The following DYNC2H1 variants were observed in gnomAD, a reference collection of about 807,000 sequenced individuals.
DYNC2H1 encodes the protein dynein cytoplasmic 2 heavy chain 1, also known as cytoplasmic dynein 2 heavy chain 1.
A neutral mutation model predicts 570.0 loss-of-function variants in DYNC2H1; 410 were observed. The ratio of observed to expected loss-of-function variants is 0.72; its 90% CI spans 0.66 to 0.78. The LOEUF (loss-of-function observed/expected upper bound fraction) is 0.78, where lower values mean the gene tolerates loss of function less well. Ranked by LOEUF, DYNC2H1 falls within the 30% of genes least tolerant of loss-of-function variation. The pLI, the probability that DYNC2H1 is intolerant of heterozygous loss-of-function variation, is 0.00. For synonymous variants in DYNC2H1, 1,688 were observed against 1,677.6 expected, an observed-to-expected ratio of 1.01 and a Z score of -0.15; for missense variants, 4,865 against 5,046.4, an observed-to-expected ratio of 0.96 and a Z score of 1.09.
At chr11:103,437,459 A>G (rs1033153769) in intron 85 of DYNC2H1, among the ~76,000 whole-genome samples, 7 of 151,966 alleles carry the variant, frequency 4.6e-5, no homozygotes, top group Non-Finnish European at 7.4e-5. Flanking sequence ...GATCTGAGCA[A>G]TTGTTTGGCT....
intron 21 of DYNC2H1, 130 bp downstream of exon 21, chr11:103,152,415 C>CT: frequency 1.3e-6 from 1 of 792,566 alleles, no homozygotes; most frequent in Non-Finnish European, 1.9e-6. Flanking sequence ...ACCTCCCTGA[C>CT]TACTTTTATA....
chr11:103,283,074 G>A lies in DYNC2H1; in HGVS notation c.10879G>A (p.Ala3627Thr), dbSNP rs777062288. The change falls in exon 73 of 89, where the codon GCA becomes ACA. Residue 3627 changes from alanine to threonine, a missense_variant. Coordinates refer to ENST00000375735, the MANE Select transcript of DYNC2H1 (RefSeq NM_001377.3). ...WIDQERSWAVATLKIALPSLY... is the reference protein window; with the variant it reads ...WIDQERSWAVTTLKIALPSLY... ...AGATCAGGAACGAAGCTGGGCCGTG[G>A]CAACATTAAAGGTATTCCTTTTCTA... 1 of 1,606,306 alleles carries A rather than the reference G, an allele frequency of 6.2e-7. No individual in the cohort carries two copies.
chr11:103,411,216 G>C (rs961274311), intron 84 of DYNC2H1, among the ~76,000 whole-genome samples: 5 of 152,116 alleles, frequency 3.3e-5, no homozygotes, highest in African/African-American at 1.2e-4. Context: ...AAATCCAGTG[G>C]TTTAAAGTTG....
intron 87 of DYNC2H1, among the ~76,000 whole-genome samples, chr11:103,462,045 C>T (rs1353511661): frequency 3.9e-5 from 6 of 152,002 alleles, no homozygotes; most frequent in Admixed American, 3.9e-4. Flanking sequence ...GAACTCTTTC[C>T]AGTGGTTTGT....
At chr11:103,444,723 AAAGT>A (rs1336085696) in intron 85 of DYNC2H1, among the ~76,000 whole-genome samples, 1 of 152,218 alleles carries the variant, frequency 6.6e-6, no homozygotes, top group Non-Finnish European at 1.5e-5. Context: ...AGACTTGAAT[AAAGT>A]AAGAGAGCAA....
chr11:103,392,338 A>T (rs1942192857), intron 83 of DYNC2H1, among the ~76,000 whole-genome samples: 1 of 152,060 alleles, frequency 6.6e-6, no homozygotes. Flanking sequence ...GTTTGCTAAG[A>T]CCGTTGGAAA....
At chr11:103,296,181 A>AT (rs1039816903) in intron 75 of DYNC2H1, among the ~76,000 whole-genome samples, 23 of 152,112 alleles carry the variant, frequency 1.5e-4, no homozygotes, top group Middle Eastern at 3.4e-3. Flanking sequence ...CACTCACTAG[A>AT]TTTTTTGGTT....
chr11:103,306,667 T>C (rs920180292), intron 77 of DYNC2H1, among the ~76,000 whole-genome samples: 4 of 152,184 alleles, frequency 2.6e-5, no homozygotes, highest in African/African-American at 4.8e-5. Flanking sequence ...TGTCATTTTT[T>C]TGTCATCTTA....
chr11:103,399,335 T>G (rs1304921789), intron 83 of DYNC2H1, among the ~76,000 whole-genome samples: 1 of 150,572 alleles, frequency 6.6e-6, no homozygotes, highest in Non-Finnish European at 1.5e-5. Flanking sequence ...TTTGTATTTT[T>G]AGTAGAGGCG....
chr11:103,404,043 A>T (rs544038344), intron 84 of DYNC2H1: 1 of 152,106 alleles, frequency 6.6e-6, no homozygotes, highest in South Asian at 2.1e-4. Context: ...TATTAGGGAA[A>T]TAATATATAG....
At chr11:103,117,580 C>T (rs1408857217) in intron 5 of DYNC2H1, 51 bp from the exon 6 acceptor site, 2 of 1,338,936 alleles carry the variant, frequency 1.5e-6, no homozygotes, top group East Asian at 5.1e-5. Flanking sequence ...TATAATTTTT[C>T]TATAAAAATA....
chr11:103,343,424 A>T (rs765259737), intron 82 of DYNC2H1, among the ~76,000 whole-genome samples: 33 of 149,476 alleles, frequency 2.2e-4, no homozygotes, highest in Non-Finnish European at 3.3e-4. Context: ...TTTCTAGTAT[A>T]AATTTCAGGA....
intron 84 of DYNC2H1, among the ~76,000 whole-genome samples, chr11:103,433,657 A>G (rs1236381909): frequency 1.3e-5 from 2 of 152,160 alleles, no homozygotes; most frequent in Admixed American, 1.3e-4. Flanking sequence ...ATTTCCTCAC[A>G]TGCAAAATAC....
chr11:103,230,909 A>G (rs910985680), intron 59 of DYNC2H1, among the ~76,000 whole-genome samples: 15 of 152,080 alleles, frequency 9.9e-5, no homozygotes, highest in Non-Finnish European at 1.9e-4. Flanking sequence ...CTCCTATTTC[A>G]TACTTTCCTC....
chr11:103,443,020 C>T (rs761478185), intron 85 of DYNC2H1, among the ~76,000 whole-genome samples: 7 of 150,576 alleles, frequency 4.6e-5, no homozygotes, highest in African/African-American at 9.8e-5. Context: ...TTTGAACATA[C>T]GTTATTAATA....
chr11:103,235,485 A>T (rs887511123), intron 61 of DYNC2H1, among the ~76,000 whole-genome samples, 187 bp from the exon 62 acceptor site: 1 of 151,962 alleles, frequency 6.6e-6, no homozygotes, highest in Non-Finnish European at 1.5e-5. Flanking sequence ...TTAGGATTTT[A>T]TACTTTTAAA....
chr11:103,314,738 A>G lies in DYNC2H1; in HGVS notation c.11650-1807A>G, dbSNP rs1457830007. Among the ~76,000 whole-genome samples, 4 of 151,908 alleles carry G rather than the reference A, an allele frequency of 2.6e-5. No homozygotes were observed. In the East Asian group the frequency reaches 5.8e-4, roughly 22 times the overall value. Reference sequence around the variant, plus strand: ...CTGGAGGTAAATGTAGACAAAATATATATACCTATGACATGGTCTCTAACA... The same window carrying G: ...CTGGAGGTAAATGTAGACAAAATATGTATACCTATGACATGGTCTCTAACA... On this transcript the variant is annotated intron_variant, in intron 79 of 88. Coordinates refer to ENST00000375735, the MANE Select transcript of DYNC2H1 (RefSeq NM_001377.3).
At position 103,303,267 on chromosome 11, in the gene DYNC2H1, G is replaced by T. The variant is rs1362884345; in HGVS notation, c.11256+14G>T. The stretch of plus-strand genomic sequence containing the variant: ...TGTTATCACCAGGTAAGTACATATT[G>T]TCCCGCTGTTTTTGTTTTTGCTATT... On this transcript the variant is annotated intron_variant, in intron 76 of 88. Coordinates refer to ENST00000375735, the MANE Select transcript of DYNC2H1 (RefSeq NM_001377.3). The T allele has an allele frequency of 6.2e-7, 1 of 1,605,358 alleles. No homozygotes were observed. Among genetic ancestry groups the T allele is most frequent in the South Asian group, 1.1e-5 (1 of 89,352 alleles).
At position 103,147,771 on chromosome 11, in the gene DYNC2H1, G is replaced by C; in HGVS notation, c.2703-1G>C. On this transcript the variant is annotated splice_acceptor_variant, in intron 18 of 88. Coordinates refer to ENST00000375735, the MANE Select transcript of DYNC2H1 (RefSeq NM_001377.3). LOFTEE classifies it high-confidence loss of function. ...AAAATATGTCCATTGACATTTTTCA[G>C]TGCTGTCAAGGTAGATTGTTTAAAT... The C allele has an allele frequency of 6.3e-7, 1 of 1,579,818 alleles. No individual in the cohort carries two copies. Among genetic ancestry groups the C allele is most frequent in the Non-Finnish European group, 8.6e-7 (1 of 1,156,146 alleles).
Sources: gnomAD v4.1 joint callset for allele counts (sites outside exome capture counted in the v4.1 genomes callset) on GRCh38, gnomAD v4.1.1 for gene constraint, MANE v1.5 for transcripts, NCBI Gene and HGNC (gene_info 2026-07-23, HGNC 2026-07-21) for gene names.